Variants in STK33 observed in about 807,000 individuals in gnomAD.
STK33 encodes the protein serine/threonine-protein kinase 33.
Under a neutral mutation model 58.0 loss-of-function variants are expected in STK33, and 52 were observed. That is an observed-to-expected ratio of 0.90 (90% CI 0.72 to 1.13). The LOEUF is 1.13. STK33 is among the 50% of genes most tolerant of loss of function. The probability of loss-of-function intolerance (pLI) is 0.00; values close to 1 mark genes in which losing one functional copy is unlikely to be tolerated. For synonymous variants in STK33, 215 were observed against 200.1 expected (o/e 1.07, Z -0.63); for missense variants, 630 against 604.2 (o/e 1.04, Z -0.45).
At chr11:8,394,554 T>C (rs7114477) in intron 15 of STK33, among the ~76,000 whole-genome samples, 30,023 of 152,154 alleles carry the variant, frequency 0.2, 3,406 homozygotes, top group African/African-American at 0.3. Context: ...CATTCTTCTT[T>C]ACTGCTTCAT....
intron 1 of STK33, among the ~76,000 whole-genome samples, chr11:8,548,702 G>C (rs929193925): frequency 2.6e-5 from 4 of 152,178 alleles, no homozygotes; most frequent in African/African-American, 9.7e-5. Context: ...TGGGCAGTAT[G>C]AACACTTCAA....
chr11:8,571,296 A>C (rs1218799701), intron 1 of STK33, among the ~76,000 whole-genome samples: 2 of 152,204 alleles, frequency 1.3e-5, no homozygotes, highest in South Asian at 4.1e-4. Context: ...CGCTAACTAG[A>C]ATAAGCCAGA....
At chr11:8,508,612 C>T (rs1952058249) in intron 1 of STK33, among the ~76,000 whole-genome samples, 1 of 152,120 alleles carries the variant, frequency 6.6e-6, no homozygotes, top group African/African-American at 2.4e-5. Flanking sequence ...TTTTAAAAAA[C>T]TCTTGTCACA....
At chr11:8,399,500 C>T (rs1166862467) in intron 15 of STK33, among the ~76,000 whole-genome samples, 1 of 152,152 alleles carries the variant, frequency 6.6e-6, no homozygotes, top group South Asian at 2.1e-4. Context: ...CACTAAATGT[C>T]CACAAGAGAA....
chr11:8,378,474 C>T, the STK33 span, among the ~76,000 whole-genome samples: 2 of 152,168 alleles, frequency 1.3e-5, no homozygotes, highest in Admixed American at 6.5e-5. Flanking sequence ...GTCAAGATCG[C>T]ACCATTGCAC....
chr11:8,544,564 T>A (rs1331122671), intron 1 of STK33, among the ~76,000 whole-genome samples: 1 of 151,748 alleles, frequency 6.6e-6, no homozygotes, highest in Non-Finnish European at 1.5e-5. Flanking sequence ...AACTATATAT[T>A]CAAAGAAATA....
intron 1 of STK33, among the ~76,000 whole-genome samples, chr11:8,501,124 T>C (rs1951485355): frequency 6.6e-6 from 1 of 152,176 alleles, no homozygotes; most frequent in South Asian, 2.1e-4. Flanking sequence ...ATCTTTGCGA[T>C]GTTAGATTAG....
chr11:8,455,267 G>A (rs951454699), intron 9 of STK33, among the ~76,000 whole-genome samples: 1 of 152,084 alleles, frequency 6.6e-6, no homozygotes, highest in Non-Finnish European at 1.5e-5. Flanking sequence ...ACTGTAACTT[G>A]GCTACATATA....
At chr11:8,543,002 C>T (rs1955641985) in intron 1 of STK33, among the ~76,000 whole-genome samples, 1 of 152,194 alleles carries the variant, frequency 6.6e-6, no homozygotes, top group African/African-American at 2.4e-5. Context: ...TGAGCCACTG[C>T]ACCCGGCCTG....
chr11:8,495,142 C>A (rs1386645824), intron 1 of STK33, among the ~76,000 whole-genome samples: 4 of 151,962 alleles, frequency 2.6e-5, no homozygotes, highest in Non-Finnish European at 4.4e-5. Context: ...AGAAACTACC[C>A]TCAGAGTGAA....
intron 1 of STK33, among the ~76,000 whole-genome samples, chr11:8,566,895 G>A (rs879202994): frequency 3.3e-5 from 5 of 152,144 alleles, no homozygotes; most frequent in South Asian, 2.1e-4. Flanking sequence ...AAGGCTGGGC[G>A]TGGCGGCTCA....
At chr11:8,495,899 G>A (rs1370952053) in intron 1 of STK33, among the ~76,000 whole-genome samples, 2 of 150,762 alleles carry the variant, frequency 1.3e-5, no homozygotes, top group African/African-American at 4.9e-5. Context: ...AGTGAACAAT[G>A]AGAACACTTG....
intron 14 of STK33, among the ~76,000 whole-genome samples, chr11:8,414,905 G>C (rs998730526): frequency 6.6e-6 from 1 of 152,102 alleles, no homozygotes; most frequent in African/African-American, 2.4e-5. Context: ...ATCCATTTCT[G>C]TCAGATATCC....
the STK33 span, among the ~76,000 whole-genome samples, chr11:8,380,779 G>T: frequency 6.6e-6 from 1 of 152,176 alleles, no homozygotes; most frequent in African/African-American, 2.4e-5. Context: ...AAAGACACCT[G>T]CACATGTATG....
At chr11:8,560,163 T>C (rs1210160015) in intron 1 of STK33, among the ~76,000 whole-genome samples, 1 of 152,144 alleles carries the variant, frequency 6.6e-6, no homozygotes, top group African/African-American at 2.4e-5. Context: ...CTCTTAGCAG[T>C]AGCACTGCAG....
chr11:8,399,429 G>C (rs1335457074), intron 15 of STK33, among the ~76,000 whole-genome samples: 1 of 152,162 alleles, frequency 6.6e-6, no homozygotes, highest in Non-Finnish European at 1.5e-5. Flanking sequence ...TGAGAACAAA[G>C]ACACAATATA....
At chr11:8,339,093 T>C in the STK33 span, among the ~76,000 whole-genome samples, 1 of 152,140 alleles carries the variant, frequency 6.6e-6, no homozygotes, top group African/African-American at 2.4e-5. Context: ...CCAGGAATTC[T>C]TTGGGGGAAA....
chr11:8,583,176 T>C (rs1437886807), intron 1 of STK33, among the ~76,000 whole-genome samples: 1 of 152,216 alleles, frequency 6.6e-6, no homozygotes, highest in Non-Finnish European at 1.5e-5. Flanking sequence ...TTTCTGCCTT[T>C]CAGATATGAA....
At chr11:8,452,354 T>C (rs949587760) in intron 11 of STK33, among the ~76,000 whole-genome samples, 2 of 152,098 alleles carry the variant, frequency 1.3e-5, no homozygotes, top group African/African-American at 4.8e-5. Flanking sequence ...TCTTTAAAGG[T>C]AGGAACTGTA....
Sources: allele counts gnomAD v4.1 joint callset (sites outside exome capture counted in the v4.1 genomes callset), GRCh38; gene constraint gnomAD v4.1.1; transcripts MANE v1.5; gene names NCBI Gene and HGNC (gene_info 2026-07-23, HGNC 2026-07-21).